Variants in QTMAN observed in about 807,000 individuals in gnomAD.
QTMAN encodes the protein queuosine-tRNA mannosyltransferase, also known as tRNA-queuosine alpha-mannosyltransferase.
the QTMAN span, among the ~76,000 whole-genome samples, chr2:144,013,240 G>A: frequency 6.6e-6 from 1 of 152,128 alleles, no homozygotes. Context: ...TACCTAATAT[G>A]TGATGGGGAT....
the QTMAN span, among the ~76,000 whole-genome samples, chr2:144,065,750 A>G: frequency 6.6e-6 from 1 of 151,874 alleles, no homozygotes; most frequent in South Asian, 2.1e-4. Flanking sequence ...GACATTGGGT[A>G]AAAGAAAATA....
chr2:144,209,905 A>T, the QTMAN span, among the ~76,000 whole-genome samples: 2 of 152,140 alleles, frequency 1.3e-5, no homozygotes, highest in African/African-American at 2.4e-5. Context: ...AGTCTCAATG[A>T]CTCAATGATG....
chr2:144,124,951 G>A, the QTMAN span, among the ~76,000 whole-genome samples: 1 of 152,108 alleles, frequency 6.6e-6, no homozygotes, highest in Non-Finnish European at 1.5e-5. Context: ...ATGTCTGGAA[G>A]AGTAATTAAA....
At chr2:144,130,900 G>A in the QTMAN span, among the ~76,000 whole-genome samples, 2 of 151,762 alleles carry the variant, frequency 1.3e-5, no homozygotes, top group Non-Finnish European at 2.9e-5. Context: ...TATCCAAAGT[G>A]ACCAAAAGCA....
chr2:144,189,426 G>T, the QTMAN span, among the ~76,000 whole-genome samples: 3 of 152,170 alleles, frequency 2.0e-5, no homozygotes, highest in African/African-American at 7.2e-5. Context: ...CTGTAAGATG[G>T]AAGAATAACA....
chr2:144,270,150 T>A, the QTMAN span, among the ~76,000 whole-genome samples: 2 of 152,320 alleles, frequency 1.3e-5, no homozygotes, highest in East Asian at 3.9e-4. Context: ...AGTTAGGATT[T>A]CTACATTGTT....
At chr2:144,188,925 T>C in the QTMAN span, among the ~76,000 whole-genome samples, 3 of 152,168 alleles carry the variant, frequency 2.0e-5, no homozygotes, top group Non-Finnish European at 4.4e-5. Context: ...CATACTACTA[T>C]AATTATCCCT....
chr2:144,029,659 C>G, the QTMAN span, among the ~76,000 whole-genome samples: 1 of 152,040 alleles, frequency 6.6e-6, no homozygotes, highest in East Asian at 1.9e-4. Flanking sequence ...GCTAGCAAAG[C>G]TCAGGGAGGG....
chr2:143,964,299 A>G, the QTMAN span: 2 of 152,086 alleles, frequency 1.3e-5, no homozygotes, highest in Non-Finnish European at 2.9e-5. Flanking sequence ...GAATAATGAT[A>G]AAAAAATTAT....
the QTMAN span, among the ~76,000 whole-genome samples, chr2:144,125,010 A>G: frequency 6.6e-6 from 1 of 152,148 alleles, no homozygotes; most frequent in Admixed American, 6.6e-5. Context: ...AAGTCATCCC[A>G]GGAAACTAGC....
At chr2:144,221,957 G>A in the QTMAN span, among the ~76,000 whole-genome samples, 2 of 152,060 alleles carry the variant, frequency 1.3e-5, no homozygotes, top group African/African-American at 2.4e-5. Flanking sequence ...TTACATATAA[G>A]GAATCTGAGG....
At chr2:144,125,089 A>G in the QTMAN span, among the ~76,000 whole-genome samples, 1 of 152,094 alleles carries the variant, frequency 6.6e-6, no homozygotes, top group South Asian at 2.1e-4. Flanking sequence ...CATGGCAGAC[A>G]TTACTAATCT....
chr2:143,973,830 A>G, the QTMAN span, among the ~76,000 whole-genome samples: 4 of 152,128 alleles, frequency 2.6e-5, no homozygotes, highest in Non-Finnish European at 5.9e-5. Flanking sequence ...CTAATATTCA[A>G]TTATTAAAGA....
At chr2:144,303,869 C>T in the QTMAN span, among the ~76,000 whole-genome samples, 2 of 152,236 alleles carry the variant, frequency 1.3e-5, no homozygotes, top group African/African-American at 2.4e-5. Flanking sequence ...GAGGCACTCT[C>T]TGCATCATGG....
At chr2:144,270,457 A>G in the QTMAN span, among the ~76,000 whole-genome samples, 1 of 152,266 alleles carries the variant, frequency 6.6e-6, no homozygotes, top group Non-Finnish European at 1.5e-5. Flanking sequence ...CATATAAACC[A>G]TGGAATACTT....
At chr2:144,110,653 C>T in the QTMAN span, among the ~76,000 whole-genome samples, 1,366 of 150,136 alleles carry the variant, frequency 9.1e-3, 5 homozygotes, top group Non-Finnish European at 0.014. Flanking sequence ...GACTATTCTT[C>T]TCCACATAAC....
At chr2:143,952,840 C>T in the QTMAN span, 4 of 1,598,246 alleles carry the variant, frequency 2.5e-6, no homozygotes, top group African/African-American at 4.0e-5. Flanking sequence ...ACACAGCTTC[C>T]AACCTAGAAA....
At chr2:144,129,915 A>G in the QTMAN span, among the ~76,000 whole-genome samples, 1 of 151,994 alleles carries the variant, frequency 6.6e-6, no homozygotes, top group Admixed American at 6.6e-5. Flanking sequence ...CGTAGACAAC[A>G]TTGAGTCAAA....
At chr2:144,150,621 G>A in the QTMAN span, among the ~76,000 whole-genome samples, 1 of 151,954 alleles carries the variant, frequency 6.6e-6, no homozygotes, top group Non-Finnish European at 1.5e-5. Context: ...ACAATTACCT[G>A]CTTAACTGAT....
Sources: allele counts gnomAD v4.1 joint callset (sites outside exome capture counted in the v4.1 genomes callset), GRCh38; gene constraint gnomAD v4.1.1; transcripts MANE v1.5; gene names NCBI Gene and HGNC (gene_info 2026-07-23, HGNC 2026-07-21).